The following ANXA3 variants were observed in gnomAD, a reference collection of about 807,000 sequenced individuals.
ANXA3 encodes annexin A3.
ANXA3 carries 46 observed loss-of-function variants against 48.8 expected under a neutral mutation model. The ratio of observed to expected loss-of-function variants is 0.94; its 90% CI spans 0.74 to 1.21. ANXA3 has a LOEUF of 1.21. ANXA3 is among the 50% of genes most tolerant of loss of function. The probability of loss-of-function intolerance (pLI) is 0.00; values close to 1 mark genes in which losing one functional copy is unlikely to be tolerated. For missense variants in ANXA3, 383 were observed against 378.6 expected, an observed-to-expected ratio of 1.01 and a Z score of -0.10; for synonymous variants, 128 against 134.7, an observed-to-expected ratio of 0.95 and a Z score of 0.35.
chr4:78,601,600 C>G (rs180965538), intron 11 of ANXA3, 32 bp downstream of exon 11: 4 of 1,591,684 alleles, frequency 2.5e-6, no homozygotes, highest in Non-Finnish European at 3.4e-6. Context: ...GCATTCTTAG[C>G]GTCCCTTAAT....
intron 2 of ANXA3, among the ~76,000 whole-genome samples, chr4:78,570,826 G>A (rs1311554471): frequency 2.6e-5 from 4 of 152,072 alleles, no homozygotes; most frequent in Non-Finnish European, 5.9e-5. Flanking sequence ...CTAACATTGG[G>A]GTAGTTCTTT....
chr4:78,581,211 G>A (rs555546989), intron 4 of ANXA3, among the ~76,000 whole-genome samples: 22 of 152,246 alleles, frequency 1.4e-4, no homozygotes, highest in African/African-American at 3.1e-4. Context: ...TGCCCACAGC[G>A]TTTCAGCAGG....
chr4:78,584,841 T>G (rs1165157218), intron 5 of ANXA3, among the ~76,000 whole-genome samples: 1 of 152,174 alleles, frequency 6.6e-6, no homozygotes, highest in Non-Finnish European at 1.5e-5. Context: ...GGGTGAACCT[T>G]CAGACTGCAG....
intron 2 of ANXA3, among the ~76,000 whole-genome samples, chr4:78,555,674 T>TAAAAAA (rs113457974): frequency 7.0e-6 from 1 of 142,342 alleles, no homozygotes; most frequent in African/African-American, 2.6e-5. Flanking sequence ...CCCAGTCTCT[T>TAAAAAA]AAAAAAAAAA....
chr4:78,597,899 C>T, intron 10 of ANXA3, among the ~76,000 whole-genome samples: 1 of 152,222 alleles, frequency 6.6e-6, no homozygotes, highest in East Asian at 1.9e-4. Flanking sequence ...CAGGTGTGAG[C>T]TACCACATCC....
intron 4 of ANXA3, among the ~76,000 whole-genome samples, 165 bp downstream of exon 4, chr4:78,579,286 T>A (rs1434297223): frequency 6.6e-6 from 1 of 152,344 alleles, no homozygotes; most frequent in Non-Finnish European, 1.5e-5. Context: ...TGCCTTGAAC[T>A]AGCTGACTGG....
rs115702259 is a variant in ANXA3 at position 78,556,700 on chromosome 4, C to T, written c.15+2212C>T. 5.8e-3 allele frequency among the ~76,000 whole-genome samples: 885 copies of T among 152,200 alleles called. 5 individuals carry two copies. Among genetic ancestry groups the T allele is most frequent in the African/African-American group, 0.02 (825 of 41,536 alleles). On this transcript the variant is annotated intron_variant, in intron 2 of 12. Coordinates refer to ENST00000264908, the MANE Select transcript of ANXA3 (RefSeq NM_005139.3). ...TAAACTCTCATCTTTCATCTGAAAT[C>T]CCTGCTGCTTTTATGAACATATCAT...
At chr4:78,603,111 T>G (rs1723577604) in intron 11 of ANXA3, 1 of 152,272 alleles carries the variant, frequency 6.6e-6, no homozygotes, top group Non-Finnish European at 1.5e-5. Flanking sequence ...TTTCTTTTCT[T>G]CATATTTCTG....
chr4:78,602,071 C>G (rs1239940483), intron 11 of ANXA3: 1 of 152,182 alleles, frequency 6.6e-6, no homozygotes, highest in Non-Finnish European at 1.5e-5. Flanking sequence ...GAAACCCTGT[C>G]TCTACTAAAA....
chr4:78,607,631 C>T (rs1337548616), intron 12 of ANXA3, among the ~76,000 whole-genome samples: 1 of 152,034 alleles, frequency 6.6e-6, no homozygotes, highest in Non-Finnish European at 1.5e-5. Context: ...ATAGTAGCCA[C>T]TCACAATCAA....
At chr4:78,591,075 T>C (rs1280026777) in intron 6 of ANXA3, among the ~76,000 whole-genome samples, 1 of 152,258 alleles carries the variant, frequency 6.6e-6, no homozygotes, top group Non-Finnish European at 1.5e-5. Flanking sequence ...TAAGGAGATT[T>C]GTCTGCCTTC....
intron 6 of ANXA3, 21 bp downstream of exon 6, chr4:78,586,371 C>T (rs1215132122): frequency 1.0e-5 from 16 of 1,555,524 alleles, no homozygotes; most frequent in Non-Finnish European, 1.4e-5. Flanking sequence ...TTCTGCTTAC[C>T]TTCACCACTG....
intron 10 of ANXA3, among the ~76,000 whole-genome samples, chr4:78,599,106 C>CAGTTTATAA (rs1689627617): frequency 6.6e-6 from 1 of 151,940 alleles, no homozygotes; most frequent in Non-Finnish European, 1.5e-5. Flanking sequence ...TGGAATAAAC[C>CAGTTTATAA]AGTTTATAAA....
intron 1 of ANXA3, among the ~76,000 whole-genome samples, chr4:78,553,075 T>A (rs138145101): frequency 0.024 from 3,581 of 152,362 alleles, 59 homozygotes; most frequent in Middle Eastern, 0.051. Context: ...ATTTTCCAGT[T>A]CTGCTGGATC....
intron 6 of ANXA3, among the ~76,000 whole-genome samples, chr4:78,589,543 T>C (rs1187473910): frequency 2.0e-5 from 3 of 152,204 alleles, no homozygotes; most frequent in African/African-American, 7.2e-5. Context: ...CTCTTCCTTT[T>C]TGCTTCTAAT....
intron 2 of ANXA3, among the ~76,000 whole-genome samples, chr4:78,561,589 C>T (rs983352440): frequency 3.3e-5 from 5 of 152,054 alleles, no homozygotes; most frequent in Admixed American, 2.0e-4. Flanking sequence ...AAATTTAAAA[C>T]GTGTGAGGAG....
At chr4:78,595,716 A>G (rs1723409350) in intron 8 of ANXA3, 78 bp from the exon 9 acceptor site, 1 of 935,416 alleles carries the variant, frequency 1.1e-6, no homozygotes, top group South Asian at 1.5e-5. Flanking sequence ...TGACCTCTGA[A>G]ATACAACTCC....
intron 2 of ANXA3, among the ~76,000 whole-genome samples, chr4:78,564,145 G>A (rs1251013082): frequency 6.6e-6 from 1 of 152,176 alleles, no homozygotes; most frequent in Non-Finnish European, 1.5e-5. Context: ...AGTCTCTGGG[G>A]AGGCCAAGTG....
intron 1 of ANXA3, 43 bp downstream of exon 1, chr4:78,551,902 A>C (rs1390740): frequency 0.94 from 143,515 of 152,448 alleles, 67,667 homozygotes; most frequent in East Asian, 0.97. Flanking sequence ...CCTCGCCCAC[A>C]GCCGCCTGCT....
Sources: gnomAD v4.1 joint callset for allele counts (sites outside exome capture counted in the v4.1 genomes callset) on GRCh38, gnomAD v4.1.1 for gene constraint, MANE v1.5 for transcripts, NCBI Gene and HGNC (gene_info 2026-07-23, HGNC 2026-07-21) for gene names.